The following CENPE variants were observed in gnomAD, a reference collection of about 807,000 sequenced individuals.
CENPE encodes the protein centromere protein E, also known as centromere-associated protein E.
A neutral mutation model predicts 336.1 loss-of-function variants in CENPE; 145 were observed. The observed-to-expected ratio is 0.43, with a 90% CI of 0.38 to 0.50. CENPE has a LOEUF of 0.50. Ranked by LOEUF, CENPE falls within the 20% of genes least tolerant of loss-of-function variation. CENPE has a pLI of 0.00. For missense variants in CENPE, 2,719 were observed against 3,023.3 expected, an observed-to-expected ratio of 0.90 and a Z score of 2.36; for synonymous variants, 1,013 against 984.8, an observed-to-expected ratio of 1.03 and a Z score of -0.54.
Position 103,196,261 on chromosome 4 carries a change from CA to C in CENPE, c.149-10del, listed in dbSNP as rs1466172241. On this transcript the variant is annotated splice_polypyrimidine_tract_variant and intron_variant, in intron 2 of 48. Coordinates refer to ENST00000265148, the MANE Select transcript of CENPE (RefSeq NM_001813.3). ...ACCATGAAAGACACGATCTAAACAA[CA>C]ACAACAACAACAACAACACAGAAGT... 6.4e-7 allele frequency: 1 copy of C among 1,552,764 alleles called. No individual in the cohort carries two copies. Among genetic ancestry groups the C allele is most frequent in the East Asian group, 2.2e-5 (1 of 44,540 alleles).
intron 44 of CENPE, among the ~76,000 whole-genome samples, chr4:103,117,708 A>G (rs911707660): frequency 2.7e-5 from 4 of 148,238 alleles, no homozygotes; most frequent in African/African-American, 1.0e-4. Flanking sequence ...GCTCACTGCA[A>G]CCTTCGCCTC....
At chr4:103,132,454 G>A (rs1425296090) in intron 42 of CENPE, among the ~76,000 whole-genome samples, 1 of 152,140 alleles carries the variant, frequency 6.6e-6, no homozygotes, top group Non-Finnish European at 1.5e-5. Context: ...ACAATAGTAA[G>A]AGGATTCAAG....
In CENPE at chr4:103,176,902, C is replaced by G. The variant is rs1029561933; in HGVS notation, c.1387G>C (p.Glu463Gln). The stretch of plus-strand genomic sequence containing the variant: ...TCCACTTGAAAAAAGCACTCACATT[C>G]ATCAATTTCTCGTAATAAATTTATA... ...LSINLLREID[E>Q]SVCSESDVFS... Residue 463 changes from glutamate (E) to glutamine (Q), a missense_variant, in exon 14 of 49, where the codon GAA (glutamate) becomes CAA (glutamine). Transcript: ENST00000265148. The G allele has an allele frequency of 1.3e-6, 2 of 1,563,600 alleles. No individual in the cohort carries two copies. Among genetic ancestry groups the G allele is most frequent in the African/African-American group, 1.4e-5 (1 of 72,566 alleles).
intron 8 of CENPE, among the ~76,000 whole-genome samples, chr4:103,186,351 T>C (rs1313193698): frequency 1.3e-5 from 2 of 152,242 alleles, no homozygotes; most frequent in Non-Finnish European, 2.9e-5. Flanking sequence ...TAGCTTTGCC[T>C]ACTTTATCCT....
intron 1 of CENPE, 68 bp downstream of exon 1, chr4:103,198,196 C>G: frequency 6.8e-7 from 1 of 1,466,206 alleles, no homozygotes; most frequent in Non-Finnish European, 9.3e-7. Context: ...CATCGTAGGC[C>G]TCGCCCCTCC....
chr4:103,149,460 C>T, intron 26 of CENPE, 52 bp from the exon 27 acceptor site: 1 of 1,463,826 alleles, frequency 6.8e-7, no homozygotes, highest in Non-Finnish European at 9.1e-7. Flanking sequence ...TCTCAAAATT[C>T]TTACACAAAA....
At chr4:103,195,359 C>T (rs1381185800) in intron 4 of CENPE, 126 bp from the exon 5 acceptor site, 8 of 654,738 alleles carry the variant, frequency 1.2e-5, no homozygotes, top group Non-Finnish European at 1.9e-5. Flanking sequence ...CTTGGTTCTA[C>T]TGTTGACAAA....
At chr4:103,189,840 G>A (rs993047198) in intron 8 of CENPE, among the ~76,000 whole-genome samples, 1 of 152,160 alleles carries the variant, frequency 6.6e-6, no homozygotes, top group African/African-American at 2.4e-5. Flanking sequence ...TAGGAAAAGA[G>A]GAAGTCAAAT....
At position 103,122,719 on chromosome 4, in the gene CENPE, C is replaced by T. The variant is rs1023096599; in HGVS notation, c.7143+152G>A. On this transcript the variant is annotated intron_variant, in intron 43 of 48. Coordinates refer to ENST00000265148, the MANE Select transcript of CENPE (RefSeq NM_001813.3). ...TAGCTTTATAATTAGTTTAGTTGAA[C>T]GATAGCCATAGTAGAACTACTAGTA... 47 of 603,526 alleles carry T rather than the reference C, an allele frequency of 7.8e-5. 1 individual carries two copies. The highest frequency in any genetic ancestry group is 4.2e-4 in the Middle Eastern group (1 of 2,360). The allele number at this position is 603,526 out of a possible 1,614,324, so 37.4% of individuals were successfully genotyped here.
At chr4:103,190,367 G>A (rs1757190251) in intron 8 of CENPE, among the ~76,000 whole-genome samples, 1 of 152,170 alleles carries the variant, frequency 6.6e-6, no homozygotes, top group Non-Finnish European at 1.5e-5. Flanking sequence ...AAAGCTGGAG[G>A]CATCATGCTA....
chr4:103,115,931 C>G (rs1479212020), intron 45 of CENPE, among the ~76,000 whole-genome samples: 1 of 151,860 alleles, frequency 6.6e-6, no homozygotes, highest in Non-Finnish European at 1.5e-5. Flanking sequence ...CGGGGTTTCA[C>G]CGTGTTAGCC....
At chr4:103,192,865 C>T (rs1015224236) in intron 8 of CENPE, among the ~76,000 whole-genome samples, 6 of 150,704 alleles carry the variant, frequency 4.0e-5, no homozygotes, top group Non-Finnish European at 1.5e-5. Flanking sequence ...GATGACAGAA[C>T]ATTTGAGAGC....
Position 103,196,760 on chromosome 4 carries a change from A to G in CENPE, c.147T>C (p.Phe49=). Residue 49 remains phenylalanine, a splice_region_variant and synonymous_variant, in exon 2 of 49, where the codon TTT becomes TTC. Coordinates refer to ENST00000265148, the MANE Select transcript of CENPE (RefSeq NM_001813.3). ...CTTTTGATGCTATTATAAGCTTACC[A>G]AAATTGAAGGATTTACTTCCATCAA... ...YQVDGSKSFN[F]DRVFHGNETT... is the part of the protein sequence containing the mutation. 2 of 1,511,900 alleles carry G rather than the reference A, an allele frequency of 1.3e-6. No individual in the cohort carries two copies. The highest frequency in any genetic ancestry group is 1.8e-6 in the Non-Finnish European group (2 of 1,092,134). The allele number at this position is 1,511,900 out of a possible 1,614,324, so 93.7% of individuals were successfully genotyped here.
In CENPE at chr4:103,139,819, G is replaced by C. The variant is rs1397505619; in HGVS notation, c.6174C>G (p.Phe2058Leu). 2.7e-5 allele frequency: 43 copies of C among 1,611,798 alleles called. No individual in the cohort carries two copies. Among genetic ancestry groups the C allele is most frequent in the Non-Finnish European group, 3.6e-5 (42 of 1,179,274 alleles). Residue 2058 changes from phenylalanine to leucine, a missense_variant, in exon 38 of 49, where the codon TTC becomes TTG. Transcript: ENST00000265148. The part of the protein sequence containing the change: ...KESLKMERDQ[F>L]IATLREMIAR... ...CTATCATTTCCCTTAAGGTTGCTAT[G>C]AATTGGTCCCTTTCCATTTTGAGAG...
At chr4:103,108,433 TGGCTTGGGTAAAGTA>T in intron 48 of CENPE, among the ~76,000 whole-genome samples, 1 of 152,290 alleles carries the variant, frequency 6.6e-6, no homozygotes, top group African/African-American at 2.4e-5. Flanking sequence ...ATCTATTATC[TGGCTTGGGTAAAGTA>T]AATATAATGC....
At chr4:103,119,928 T>G (rs1328155368) in intron 44 of CENPE, among the ~76,000 whole-genome samples, 2 of 152,072 alleles carry the variant, frequency 1.3e-5, no homozygotes, top group Non-Finnish European at 2.9e-5. Flanking sequence ...ATCTTAAAAA[T>G]TATTCTTCCA....
At chr4:103,113,500 C>T (rs1749773963) in intron 46 of CENPE, among the ~76,000 whole-genome samples, 2 of 135,100 alleles carry the variant, frequency 1.5e-5, no homozygotes, top group Non-Finnish European at 1.6e-5. Context: ...ATATGTTATA[C>T]TTATATATAT....
intron 16 of CENPE, among the ~76,000 whole-genome samples, chr4:103,164,779 G>A (rs1754766312): frequency 6.6e-6 from 1 of 151,944 alleles, no homozygotes; most frequent in Non-Finnish European, 1.5e-5. Flanking sequence ...TATGGTTAGT[G>A]GCTACCCCAC....
At position 103,145,869 on chromosome 4, in the gene CENPE, C is replaced by T. The variant is rs143882724; in HGVS notation, c.4373G>A (p.Ser1458Asn). 94 of 1,612,866 alleles carry T rather than the reference C, an allele frequency of 5.8e-5. No homozygotes were observed. Among genetic ancestry groups the T allele is most frequent in the Non-Finnish European group, 7.8e-5 (92 of 1,179,758 alleles). Residue 1458 changes from serine (S) to asparagine (N), a missense_variant, in exon 30 of 49, where the codon AGT (serine) becomes AAT (asparagine). By Grantham distance (46) the Ser-to-Asn change is conservative. Transcript: ENST00000265148. ...TTTTATGTTTTCTTTGAGCTGGTCACTTTCAGATTGAAGAACTTCTTGCAG... is the reference window on the plus strand; with the variant it reads ...TTTTATGTTTTCTTTGAGCTGGTCATTTTCAGATTGAAGAACTTCTTGCAG... Reference protein sequence around the residue: ...QRLQEVLQSESDQLKENIKEI... With the variant: ...QRLQEVLQSENDQLKENIKEI...
Sources: allele counts gnomAD v4.1 joint callset (sites outside exome capture counted in the v4.1 genomes callset), GRCh38; gene constraint gnomAD v4.1.1; transcripts MANE v1.5; gene names NCBI Gene and HGNC (gene_info 2026-07-23, HGNC 2026-07-21).